Variants in APPBP2 observed in about 807,000 individuals in gnomAD.
APPBP2 encodes the protein amyloid protein-binding protein 2.
APPBP2 carries 15 observed loss-of-function variants against 76.0 expected under a neutral mutation model. The observed-to-expected ratio is 0.20, with a 90% CI of 0.13 to 0.30. The LOEUF (loss-of-function observed/expected upper bound fraction) is 0.30, where lower values mean the gene tolerates loss of function less well. APPBP2 is among the 10% of genes least tolerant of loss of function. APPBP2 has a pLI of 1.00. For synonymous variants in APPBP2, 222 were observed against 242.2 expected (o/e 0.92, Z 0.77); for missense variants, 401 against 687.2 (o/e 0.58, Z 4.66).
intron 3 of APPBP2, among the ~76,000 whole-genome samples, chr17:60,486,735 TATG>T (rs1362510952): frequency 6.6e-6 from 1 of 152,208 alleles, no homozygotes; most frequent in Non-Finnish European, 1.5e-5. Context: ...ATCCTGTCAC[TATG>T]ATGTTAGCCG....
At chr17:60,452,176 T>C (rs2090400248) in intron 11 of APPBP2, 131 bp from the exon 12 acceptor site, 1 of 932,944 alleles carries the variant, frequency 1.1e-6, no homozygotes, top group African/African-American at 1.7e-5. Context: ...TCAAAGAACA[T>C]ACTATGTTAT....
chr17:60,466,240 G>C (rs1160379775), intron 5 of APPBP2, 51 bp downstream of exon 5: 1 of 1,524,228 alleles, frequency 6.6e-7, no homozygotes, highest in South Asian at 1.2e-5. Context: ...TTTACCCTCT[G>C]TTTTTATAGG....
chr17:60,521,034 C>T (rs968122525), intron 1 of APPBP2, among the ~76,000 whole-genome samples: 2 of 152,188 alleles, frequency 1.3e-5, no homozygotes, highest in Admixed American at 6.5e-5. Flanking sequence ...GGGCTCAAAC[C>T]ATCTTCCTGC....
intron 3 of APPBP2, among the ~76,000 whole-genome samples, chr17:60,487,179 T>C (rs1181317573): frequency 6.6e-6 from 1 of 152,184 alleles, no homozygotes; most frequent in East Asian, 1.9e-4. Context: ...GTCTTGGGGT[T>C]GCTCTTCTCA....
intron 1 of APPBP2, among the ~76,000 whole-genome samples, chr17:60,516,685 A>C (rs773053080): frequency 6.6e-6 from 1 of 152,212 alleles, no homozygotes; most frequent in Admixed American, 6.5e-5. Flanking sequence ...ATGAACATTC[A>C]TAAGTGTATA....
Position 60,526,220 on chromosome 17 carries a change from T to G in APPBP2, c.-289A>C. 4.2e-5 allele frequency: 14 copies of G among 334,450 alleles called. No individual in the cohort carries two copies. The highest frequency in any genetic ancestry group is 1.4e-4 in the East Asian group (2 of 14,458). 20.7% of individuals were successfully genotyped at this position (334,450 alleles called of 1,614,324 possible). Reference sequence around the variant, plus strand: ...CGGGTTCCGTCCCAGCGCTGATCTCTGCAGGGGCGGGGCTGCGTGTGCGGC... The same window carrying G: ...CGGGTTCCGTCCCAGCGCTGATCTCGGCAGGGGCGGGGCTGCGTGTGCGGC... On this transcript the variant is annotated 5_prime_UTR_variant, in exon 1 of 13. Coordinates refer to ENST00000083182, the MANE Select transcript of APPBP2 (RefSeq NM_006380.5).
intron 1 of APPBP2, among the ~76,000 whole-genome samples, chr17:60,502,096 C>T (rs990797206): frequency 6.6e-6 from 1 of 152,088 alleles, no homozygotes; most frequent in African/African-American, 2.4e-5. Context: ...CTCTGTCATC[C>T]AGGCTGCAGT....
intron 3 of APPBP2, among the ~76,000 whole-genome samples, chr17:60,481,242 T>C (rs1020576590): frequency 6.6e-6 from 1 of 152,200 alleles, no homozygotes; most frequent in Non-Finnish European, 1.5e-5. Flanking sequence ...GCTTTGTCCA[T>C]AATACCCTAC....
chr17:60,487,392 C>A (rs892669575), intron 3 of APPBP2, among the ~76,000 whole-genome samples: 1 of 151,202 alleles, frequency 6.6e-6, no homozygotes, highest in Admixed American at 6.6e-5. Context: ...TTGTTTGTTT[C>A]TTTTTACTCT....
chr17:60,484,039 T>G (rs191103966), intron 3 of APPBP2, among the ~76,000 whole-genome samples: 206 of 152,278 alleles, frequency 1.4e-3, no homozygotes, highest in African/African-American at 4.7e-3. Flanking sequence ...CAGATGGTTG[T>G]AGATGTGTGG....
chr17:60,447,934 G>T, intron 12 of APPBP2, 100 bp from the exon 13 acceptor site: 11 of 1,155,006 alleles, frequency 9.5e-6, no homozygotes, highest in Non-Finnish European at 1.3e-5. Context: ...TAAACAGGGT[G>T]GCTTAGGTTT....
chr17:60,490,167 CACAT>C lies in APPBP2; in HGVS notation c.379+4295_379+4298del, dbSNP rs532842700. The stretch of plus-strand genomic sequence containing the variant: ...CTACATGGAATCCACCGCACAGACA[CACAT>C]ACAAACAAATGAGTGCACGTAAAAA... On this transcript the variant is annotated intron_variant, in intron 3 of 12. Coordinates refer to ENST00000083182, the MANE Select transcript of APPBP2 (RefSeq NM_006380.5). Among the ~76,000 whole-genome samples, 56 of 152,276 alleles carry C rather than the reference CACAT, an allele frequency of 3.7e-4. No individual in the cohort carries two copies. The East Asian group carries it at 6.0e-3, about 16-fold the overall frequency.
chr17:60,466,390 T>C lies in APPBP2; in HGVS notation c.573A>G (p.Thr191=), dbSNP rs2090511575. Residue 191 remains threonine, a synonymous_variant, in exon 5 of 13, where the codon ACA becomes ACG. Transcript: ENST00000083182. ...LGEETFKLAQ[T]YMDKLSKHGQ... is the part of the protein sequence containing the mutation. ...CATGTTTTGATAGTTTATCCATATA[T>C]GTCTGAGCTAATTTAAATGTTTCTT... The C allele has an allele frequency of 1.2e-6, 2 of 1,613,976 alleles. No homozygotes were observed. The highest frequency in any genetic ancestry group is 1.3e-5 in the African/African-American group (1 of 75,054).
intron 2 of APPBP2, among the ~76,000 whole-genome samples, chr17:60,496,814 G>C (rs530816107): frequency 6.6e-6 from 1 of 152,042 alleles, no homozygotes; most frequent in African/African-American, 2.4e-5. Flanking sequence ...TCCGCCTCCC[G>C]GGTTCAAGTG....
chr17:60,489,255 C>CA (rs1045431826), intron 3 of APPBP2, among the ~76,000 whole-genome samples: 3 of 150,538 alleles, frequency 2.0e-5, no homozygotes, highest in Admixed American at 1.3e-4. Flanking sequence ...GGGTCCTTTT[C>CA]AAAAAAATAT....
intron 9 of APPBP2, among the ~76,000 whole-genome samples, chr17:60,458,440 A>T (rs927496520): frequency 1.3e-5 from 2 of 151,988 alleles, no homozygotes; most frequent in African/African-American, 4.8e-5. Context: ...TGTCTCAAAA[A>T]AAAAACAAAA....
At chr17:60,492,233 G>A (rs940523294) in intron 3 of APPBP2, among the ~76,000 whole-genome samples, 1 of 152,232 alleles carries the variant, frequency 6.6e-6, no homozygotes, top group Non-Finnish European at 1.5e-5. Flanking sequence ...ACGCCTGCAT[G>A]TCCAGGCAGA....
intron 1 of APPBP2, among the ~76,000 whole-genome samples, chr17:60,519,778 A>AT (rs748167583): frequency 0.086 from 10,145 of 117,752 alleles, 1,041 homozygotes; most frequent in African/African-American, 0.26. Context: ...GCCAAATTTA[A>AT]TTTTTTTTTT....
Position 60,460,701 on chromosome 17 carries a change from A to G in APPBP2, c.1023T>C (p.Tyr341=), listed in dbSNP as rs1199803866. 5 of 1,613,748 alleles carry G rather than the reference A, an allele frequency of 3.1e-6. No individual in the cohort carries two copies. Among genetic ancestry groups the G allele is most frequent in the East Asian group, 4.5e-5 (2 of 44,872 alleles). ...TAHEDLAYSS[Y]VHQYSSGKFD... ...ATTTCCCAGAGCTATACTGGTGGAC[A>G]TAAGAAGAGTAGGCCAAATCTTCAT... The change falls in exon 9 of 13, where the codon TAT becomes TAC. Residue 341 remains tyrosine, a synonymous_variant. Coordinates refer to ENST00000083182, the MANE Select transcript of APPBP2 (RefSeq NM_006380.5).
Sources: gnomAD v4.1 joint callset for allele counts (sites outside exome capture counted in the v4.1 genomes callset) on GRCh38, gnomAD v4.1.1 for gene constraint, MANE v1.5 for transcripts, NCBI Gene and HGNC (gene_info 2026-07-23, HGNC 2026-07-21) for gene names.